The following RNLS variants were observed in gnomAD, a reference collection of about 807,000 sequenced individuals.
The protein encoded by RNLS is renalase, FAD dependent amine oxidase.
In RNLS, 39 loss-of-function variants were observed where a neutral mutation model predicts 39.8. That is an observed-to-expected ratio of 0.98 (90% CI 0.76 to 1.28). The LOEUF is 1.28. Among genes scored for constraint, RNLS ranks in the 50% most tolerant of loss-of-function variants. The pLI is 0.00. For missense variants in RNLS, 410 were observed against 413.3 expected (o/e 0.99, Z 0.07); for synonymous variants, 147 against 150.7 (o/e 0.98, Z 0.18).
intron 4 of RNLS, among the ~76,000 whole-genome samples, chr10:88,480,671 C>T (rs961937546): frequency 2.6e-5 from 4 of 152,192 alleles, no homozygotes; most frequent in Non-Finnish European, 4.4e-5. Flanking sequence ...ATCCACCAGC[C>T]TTGGCCTCCC....
chr10:88,239,986 G>T, the RNLS span, among the ~76,000 whole-genome samples: 1 of 152,168 alleles, frequency 6.6e-6, no homozygotes, highest in Non-Finnish European at 1.5e-5. Context: ...AACCTTTTGT[G>T]AAGAAATCTT....
At chr10:88,454,293 G>A (rs1842505692) in intron 4 of RNLS, among the ~76,000 whole-genome samples, 1 of 152,180 alleles carries the variant, frequency 6.6e-6, no homozygotes, top group Admixed American at 6.5e-5. Flanking sequence ...AGGCCTTGGT[G>A]CCATTTTCCA....
intron 5 of RNLS, among the ~76,000 whole-genome samples, chr10:88,336,090 C>T (rs574965106): frequency 1.6e-4 from 24 of 152,260 alleles, no homozygotes; most frequent in African/African-American, 4.8e-4. Context: ...CTGGACAAAG[C>T]TATGACACAT....
intron 6 of RNLS, among the ~76,000 whole-genome samples, chr10:88,286,400 T>C (rs1293971134): frequency 6.6e-6 from 1 of 152,038 alleles, no homozygotes; most frequent in Non-Finnish European, 1.5e-5. Context: ...GAGAAAATAT[T>C]CTCAAAATTT....
the RNLS span, among the ~76,000 whole-genome samples, chr10:88,244,127 G>C: frequency 9.6e-4 from 147 of 152,340 alleles, no homozygotes; most frequent in Middle Eastern, 3.4e-3. Flanking sequence ...AGAAGAGAGT[G>C]GGGGTGGGGG....
chr10:88,396,549 A>G (rs1468827305), intron 4 of RNLS, among the ~76,000 whole-genome samples: 1 of 151,590 alleles, frequency 6.6e-6, no homozygotes, highest in African/African-American at 2.4e-5. Flanking sequence ...TTAATACCAA[A>G]GAAGGCAGTA....
intron 4 of RNLS, among the ~76,000 whole-genome samples, chr10:88,367,874 A>G (rs1850247719): frequency 6.6e-6 from 1 of 152,136 alleles, no homozygotes; most frequent in Non-Finnish European, 1.5e-5. Flanking sequence ...ATTGTGATAT[A>G]GGAGTTCTTT....
rs190705952 is a variant in RNLS, at chr10:88,288,221, G to A, written c.877-2715C>T. Among the ~76,000 whole-genome samples the A allele has an allele frequency of 2.0e-5, 3 of 152,192 alleles. No homozygotes were observed. In the East Asian group the frequency reaches 5.8e-4, roughly 29 times the overall value. ...ATTCACATAGCAACCCTATGAGGTG[G>A]TTACTATTGTTCTTATTTTATACAT... is the stretch of plus-strand genomic sequence containing the variant. On this transcript the variant is annotated intron_variant, in intron 6 of 6. Coordinates refer to ENST00000331772, the MANE Select transcript of RNLS (RefSeq NM_001031709.3).
chr10:88,369,898 C>G (rs1327338719), intron 4 of RNLS, among the ~76,000 whole-genome samples: 1 of 152,118 alleles, frequency 6.6e-6, no homozygotes, highest in African/African-American at 2.4e-5. Flanking sequence ...GTTGGCCAGG[C>G]TGGTTTTGAA....
chr10:88,466,231 G>A (rs1226368418), intron 4 of RNLS, among the ~76,000 whole-genome samples: 2 of 151,846 alleles, frequency 1.3e-5, no homozygotes, highest in Non-Finnish European at 2.9e-5. Context: ...CTGAATATGG[G>A]GAGACAGCTA....
At chr10:88,219,519 G>A in the RNLS span, among the ~76,000 whole-genome samples, 2 of 152,262 alleles carry the variant, frequency 1.3e-5, no homozygotes, top group East Asian at 3.9e-4. Context: ...AAACTTAACT[G>A]TTGGTTTCTA....
intron 3 of RNLS, 51 bp from the exon 4 acceptor site, chr10:88,573,112 T>A (rs749996543): frequency 1.5e-5 from 24 of 1,571,136 alleles, no homozygotes; most frequent in Non-Finnish European, 2.1e-5. Flanking sequence ...CATATATGAA[T>A]AAAGGGGATG....
chr10:88,571,844 T>G (rs1849858192), intron 4 of RNLS, among the ~76,000 whole-genome samples: 1 of 152,212 alleles, frequency 6.6e-6, no homozygotes, highest in Non-Finnish European at 1.5e-5. Flanking sequence ...GTTGTTCACA[T>G]GTATACTAGA....
the RNLS span, among the ~76,000 whole-genome samples, chr10:88,244,162 C>T: frequency 6.6e-6 from 1 of 152,208 alleles, no homozygotes; most frequent in Non-Finnish European, 1.5e-5. Flanking sequence ...CCGGGGTCTG[C>T]ATGCTTCCAG....
chr10:88,418,855 C>T (rs1854202296), intron 4 of RNLS, among the ~76,000 whole-genome samples: 1 of 152,132 alleles, frequency 6.6e-6, no homozygotes, highest in South Asian at 2.1e-4. Context: ...TAGGAGTTTT[C>T]TATTACAGCA....
intron 4 of RNLS, among the ~76,000 whole-genome samples, chr10:88,468,006 C>T (rs1843309077): frequency 6.6e-6 from 1 of 152,144 alleles, no homozygotes; most frequent in African/African-American, 2.4e-5. Context: ...TTCCAAAATA[C>T]CCACTGAAAA....
rs751093000 is a variant in RNLS, at chr10:88,362,588, G to A, written c.664C>T (p.Arg222Cys). The change falls in exon 5 of 7, where the codon CGC (arginine) becomes TGC (cysteine). Residue 222 changes from arginine to cysteine, a missense_variant. Physicochemically the swap from Arg to Cys is radical, Grantham distance 180. Transcript: ENST00000331772. Reference protein sequence around the residue: ...GQYITSNPCIRFVSIDNKKRN... With the variant: ...GQYITSNPCICFVSIDNKKRN... ...TTCTTATTATCAATGGAGACGAAGCGTATGCAGGGATTACTGGTGATGTAC... is the reference window on the plus strand; with the variant it reads ...TTCTTATTATCAATGGAGACGAAGCATATGCAGGGATTACTGGTGATGTAC... The A allele has an allele frequency of 5.4e-5, 87 of 1,613,742 alleles. No individual in the cohort carries two copies. The highest frequency in any genetic ancestry group is 1.6e-4 in the Middle Eastern group (1 of 6,080).
the RNLS span, chr10:88,259,136 A>C: frequency 6.6e-6 from 1 of 152,244 alleles, no homozygotes; most frequent in Admixed American, 6.5e-5. Context: ...AGAAAAGCAC[A>C]CAGGAGTTGG....
At chr10:88,287,941 CT>C (rs1338699518) in intron 6 of RNLS, among the ~76,000 whole-genome samples, 1 of 152,040 alleles carries the variant, frequency 6.6e-6, no homozygotes, top group African/African-American at 2.4e-5. Context: ...TATTGGGATG[CT>C]ATATAAAAAC....
Sources: gnomAD v4.1 joint callset for allele counts (sites outside exome capture counted in the v4.1 genomes callset) on GRCh38, gnomAD v4.1.1 for gene constraint, MANE v1.5 for transcripts, NCBI Gene and HGNC (gene_info 2026-07-23, HGNC 2026-07-21) for gene names.